GABARAPL1: variants seen among roughly 807,000 people sequenced by gnomAD.
The protein encoded by GABARAPL1 is GABA type A receptor associated protein like 1, also known as gamma-aminobutyric acid receptor-associated protein-like 1.
GABARAPL1 carries 4 observed loss-of-function variants against 14.5 expected under a neutral mutation model. The observed-to-expected ratio is 0.28, with a 90% confidence interval of 0.14 to 0.63. The LOEUF (loss-of-function observed/expected upper bound fraction) is 0.63. GABARAPL1 is among the 30% of genes least tolerant of loss of function. GABARAPL1 has a pLI of 0.84. For synonymous variants in GABARAPL1, 47 were observed against 50.6 expected, an observed-to-expected ratio of 0.93 and a Z score of 0.30; for missense variants, 82 against 139.2, an observed-to-expected ratio of 0.59 and a Z score of 2.07.
chr12:10,217,973 A>G, intron 1 of GABARAPL1, 90 bp from the exon 2 acceptor site: 2 of 772,540 alleles, frequency 2.6e-6, no homozygotes, highest in South Asian at 1.4e-5. Flanking sequence ...ATTCATTTCC[A>G]GTAGTAACTA....
In GABARAPL1 at chr12:10,222,970, A is replaced by G. The variant is rs1241892336; in HGVS notation, c.*1118A>G. ...TTGTGGGGTGGGAGTGGGGAGCAGG[A>G]ATTGCACTCAGACATGACATTTCAA... On this transcript the variant is annotated 3_prime_UTR_variant, in exon 4 of 4. Transcript: ENST00000266458. 1 of 152,624 alleles carries G rather than the reference A, an allele frequency of 6.6e-6. No homozygotes were observed. Among genetic ancestry groups the G allele is most frequent in the Non-Finnish European group, 1.5e-5 (1 of 68,030 alleles). The allele number at this position is 152,624 out of a possible 1,614,324, so 9.5% of individuals were successfully genotyped here.
chr12:10,212,988 T>G lies in GABARAPL1; in HGVS notation c.-142T>G. 2 of 488,488 alleles carry G rather than the reference T, an allele frequency of 4.1e-6. No individual in the cohort carries two copies. Among genetic ancestry groups the G allele is most frequent in the Non-Finnish European group, 8.0e-6 (2 of 248,664 alleles). 30.3% of individuals were successfully genotyped at this position (488,488 alleles called of 1,614,324 possible). On this transcript the variant is annotated 5_prime_UTR_variant, in exon 1 of 4. Transcript: ENST00000266458. The stretch of plus-strand genomic sequence containing the variant: ...CCCGCCCCGAACCCCCCCTGCACAC[T>G]CGGCCCAGCGCTGTTGCCCCCGGAG...
intron 1 of GABARAPL1, among the ~76,000 whole-genome samples, chr12:10,216,117 T>G (rs898858592): frequency 6.6e-6 from 1 of 152,194 alleles, no homozygotes; most frequent in Non-Finnish European, 1.5e-5. Flanking sequence ...ACACCTGTAA[T>G]CGCAGTACTT....
intron 1 of GABARAPL1, chr12:10,214,304 G>A (rs1949076017): frequency 6.4e-6 from 1 of 155,428 alleles, no homozygotes; most frequent in Non-Finnish European, 1.4e-5. Context: ...AACGTTCGTG[G>A]TTTTATAGCT....
rs1005065140 is a variant in GABARAPL1, at chr12:10,222,010, C to T, written c.*158C>T. On this transcript the variant is annotated 3_prime_UTR_variant, in exon 4 of 4. Coordinates refer to ENST00000266458, the MANE Select transcript of GABARAPL1 (RefSeq NM_031412.4). ...CACACACACCGTCATCACATTTTCA[C>T]ATGCTCAATTGATATTTTTTGCTGC... 34 of 654,136 alleles carry T rather than the reference C, an allele frequency of 5.2e-5. No individual in the cohort carries two copies. Among genetic ancestry groups the T allele is most frequent in the Admixed American group, 7.5e-5 (3 of 40,152 alleles). 40.5% of individuals were successfully genotyped at this position (654,136 alleles called of 1,614,324 possible).
rs1462088853 is a variant in GABARAPL1 at position 10,222,557 on chromosome 12, G to A, written c.*705G>A. 1 of 152,522 alleles carries A rather than the reference G, an allele frequency of 6.6e-6. No homozygotes were observed. The highest frequency in any genetic ancestry group is 1.5e-5 in the Non-Finnish European group (1 of 68,204). The allele number at this position is 152,522 out of a possible 1,614,324, so 9.4% of individuals were successfully genotyped here. A position where few individuals can be genotyped will look rare whatever the true frequency, so the allele number is the denominator to read the frequency against. On this transcript the variant is annotated 3_prime_UTR_variant, in exon 4 of 4. Coordinates refer to ENST00000266458, the MANE Select transcript of GABARAPL1 (RefSeq NM_031412.4). ...TAGCATTAAACTGGAATTGACAAGA[G>A]TGTTGAGCATCCCTGTCTAACCTGC...
Position 10,213,029 on chromosome 12 carries a change from C to T in GABARAPL1, c.-101C>T, listed in dbSNP as rs1168724211. On this transcript the variant is annotated 5_prime_UTR_variant, in exon 1 of 4. Transcript: ENST00000266458. ...GCCCCCGGAGCGGACGTTTCTGCAG[C>T]TATTCTGAGCACACCTTGACGTCGG... The T allele has an allele frequency of 3.4e-5, 25 of 725,688 alleles. No homozygotes were observed. Among genetic ancestry groups the T allele is most frequent in the South Asian group, 4.8e-5 (3 of 62,294 alleles). The allele number at this position is 725,688 out of a possible 1,614,324, so 45.0% of individuals were successfully genotyped here. A position where few individuals can be genotyped will look rare whatever the true frequency, so the allele number is the denominator to read the frequency against.
intron 3 of GABARAPL1, 44 bp from the exon 4 acceptor site, chr12:10,221,743 G>A: frequency 1.2e-6 from 2 of 1,606,050 alleles, no homozygotes; most frequent in East Asian, 4.5e-5. Context: ...TAGAGCTAAT[G>A]AATGAATATG....
chr12:10,222,152 T>C lies in GABARAPL1; in HGVS notation c.*300T>C. 1.1e-5 allele frequency: 4 copies of C among 370,288 alleles called. No individual in the cohort carries two copies. The highest frequency in any genetic ancestry group is 8.7e-5 in the South Asian group (3 of 34,292). 22.9% of individuals were successfully genotyped at this position (370,288 alleles called of 1,614,324 possible). A position where few individuals can be genotyped will look rare whatever the true frequency, so the allele number is the denominator to read the frequency against. On this transcript the variant is annotated 3_prime_UTR_variant, in exon 4 of 4. Transcript: ENST00000266458. ...GGGGTTTAATTGTTGTGCAGTTTCA[T>C]AGATGGGTCAGGAGGTGGACAAGTT...
In GABARAPL1 at chr12:10,222,108, G is replaced by A. The variant is rs1592006888; in HGVS notation, c.*256G>A. 1.4e-5 allele frequency: 7 copies of A among 494,410 alleles called. No individual in the cohort carries two copies. Among genetic ancestry groups the A allele is most frequent in the East Asian group, 1.0e-4 (3 of 28,626 alleles). 30.6% of individuals were successfully genotyped at this position (494,410 alleles called of 1,614,324 possible). The stretch of plus-strand genomic sequence containing the variant: ...GCTTTGATAGAGGAATGGGGATGAT[G>A]TAAGTTTACAGTATTCCTGGGGTTT... On this transcript the variant is annotated 3_prime_UTR_variant, in exon 4 of 4. Transcript: ENST00000266458.
chr12:10,213,204 T>A lies in GABARAPL1; in HGVS notation c.75T>A (p.Tyr25Ter), dbSNP rs1361526640. The change falls in exon 1 of 4, where the codon TAT (tyrosine) becomes TAA (stop). Residue 25 changes from tyrosine to a stop codon, truncating the protein, a stop_gained. Transcript: ENST00000266458. LOFTEE classifies it high-confidence loss of function. ...KKEGEKIRKK[Y>*]PDRVPVIVEK... ...AAGGAGAAAAGATCCGGAAGAAATA[T>A]CCGGACAGGGTCCCCGTGAGTGTAG... The A allele has an allele frequency of 6.6e-7, 1 of 1,526,160 alleles. No individual in the cohort carries two copies. Among genetic ancestry groups the A allele is most frequent in the South Asian group, 1.2e-5 (1 of 85,186 alleles). The allele number at this position is 1,526,160 out of a possible 1,614,324, so 94.5% of individuals were successfully genotyped here.
chr12:10,217,954 C>T (rs1472569700), intron 1 of GABARAPL1, 109 bp from the exon 2 acceptor site: 13 of 722,884 alleles, frequency 1.8e-5, no homozygotes, highest in Non-Finnish European at 3.3e-5. Flanking sequence ...GTGTCCTGGG[C>T]CTAGACAGAT....
chr12:10,220,699 T>C (rs996624427), intron 3 of GABARAPL1, 141 bp downstream of exon 3: 1 of 1,543,832 alleles, frequency 6.5e-7, no homozygotes, highest in Non-Finnish European at 8.7e-7. Flanking sequence ...CATATGGCAG[T>C]GTAAGGCTCT....
Position 10,220,578 on chromosome 12 carries a change from A to G in GABARAPL1, c.288+20A>G. 1 of 1,614,040 alleles carries G rather than the reference A, an allele frequency of 6.2e-7. No individual in the cohort carries two copies. The stretch of plus-strand genomic sequence containing the variant: ...TATGAGGTAATGGTTCTGGTTGCAC[A>G]ATACTGGATGCCGTCCAGTGCAGTC... On this transcript the variant is annotated intron_variant, in intron 3 of 3. Coordinates refer to ENST00000266458, the MANE Select transcript of GABARAPL1 (RefSeq NM_031412.4).
chr12:10,221,709 A>G, intron 3 of GABARAPL1, 78 bp from the exon 4 acceptor site: 1 of 1,513,162 alleles, frequency 6.6e-7, no homozygotes, highest in Non-Finnish European at 9.1e-7. Flanking sequence ...CCTGCTTTAC[A>G]AGGTTGTGTG....
chr12:10,217,765 T>C (rs1261044974), intron 1 of GABARAPL1, among the ~76,000 whole-genome samples: 2 of 152,150 alleles, frequency 1.3e-5, no homozygotes, highest in Non-Finnish European at 2.9e-5. Context: ...TACCAATAGG[T>C]ATATGTCCTA....
chr12:10,213,857 C>T (rs1420716825), intron 1 of GABARAPL1: 5 of 455,886 alleles, frequency 1.1e-5, no homozygotes, highest in Non-Finnish European at 2.2e-5. Flanking sequence ...TGTGTGGGGA[C>T]AGCCAGCCTC....
chr12:10,214,633 T>C (rs1949077846), intron 1 of GABARAPL1: 1 of 141,740 alleles, frequency 7.1e-6, no homozygotes, highest in Non-Finnish European at 1.5e-5. Context: ...TCTGTAATCA[T>C]TGACTTACTT....
At position 10,216,322 on chromosome 12, in the gene GABARAPL1, G is replaced by C. The variant is rs996555742; in HGVS notation, c.91-1741G>C. Among the ~76,000 whole-genome samples, 5 of 151,996 alleles carry C rather than the reference G, an allele frequency of 3.3e-5. No individual in the cohort carries two copies. In the South Asian group the frequency reaches 6.2e-4, roughly 19 times the overall value. ...GGAGGTGGAGGTTGCAGTGATCCGA[G>C]ATCAGGCCACTGCACGCCAGCCCGG... On this transcript the variant is annotated intron_variant, in intron 1 of 3. Transcript: ENST00000266458.
Sources: allele counts gnomAD v4.1 joint callset (sites outside exome capture counted in the v4.1 genomes callset), GRCh38; gene constraint gnomAD v4.1.1; transcripts MANE v1.5; gene names NCBI Gene and HGNC (gene_info 2026-07-23, HGNC 2026-07-21).